SKIC3: variants seen among roughly 807,000 people sequenced by gnomAD.
SKIC3 encodes the protein SKI3 subunit of superkiller complex.
At chr5:95,525,554 C>T in the SKIC3 span, 104 of 1,613,802 alleles carry the variant, frequency 6.4e-5, no homozygotes, top group Admixed American at 6.7e-4. Flanking sequence ...GCTTTTAACT[C>T]AAAAAATGCT....
the SKIC3 span, among the ~76,000 whole-genome samples, chr5:95,549,600 A>G: frequency 6.6e-6 from 1 of 152,030 alleles, no homozygotes; most frequent in Non-Finnish European, 1.5e-5. Flanking sequence ...CATTTGATGC[A>G]ACATTTAACA....
chr5:95,543,866 TG>T, the SKIC3 span, among the ~76,000 whole-genome samples: 1 of 152,220 alleles, frequency 6.6e-6, no homozygotes, highest in Non-Finnish European at 1.5e-5. Context: ...ACCTGCCAAC[TG>T]GAATAAAAAT....
the SKIC3 span, among the ~76,000 whole-genome samples, chr5:95,526,568 G>C: frequency 6.6e-6 from 1 of 151,626 alleles, no homozygotes; most frequent in African/African-American, 2.4e-5. Flanking sequence ...CTGCTTTCTG[G>C]CTTCAAGCGA....
the SKIC3 span, among the ~76,000 whole-genome samples, chr5:95,514,307 G>GA: frequency 6.7e-6 from 1 of 150,154 alleles, no homozygotes; most frequent in African/African-American, 2.4e-5. Context: ...GGTAAAAAAA[G>GA]AAAAAAAAAT....
the SKIC3 span, chr5:95,467,716 T>A: frequency 9.0e-7 from 1 of 1,105,878 alleles, no homozygotes; most frequent in South Asian, 1.6e-5. Flanking sequence ...TAGTCTTTTA[T>A]TAGCCAAAAA....
the SKIC3 span, chr5:95,528,964 C>A: frequency 1.9e-6 from 3 of 1,548,882 alleles, 1 homozygote. Flanking sequence ...TAGGGTTGGT[C>A]ACCCTTATAT....
At chr5:95,533,474 T>C in the SKIC3 span, among the ~76,000 whole-genome samples, 1 of 152,132 alleles carries the variant, frequency 6.6e-6, no homozygotes, top group East Asian at 1.9e-4. Context: ...ATTCCTATTG[T>C]CCTACATTAA....
the SKIC3 span, among the ~76,000 whole-genome samples, chr5:95,468,656 A>G: frequency 6.6e-6 from 1 of 152,248 alleles, no homozygotes; most frequent in African/African-American, 2.4e-5. Flanking sequence ...TCTTCTAAGT[A>G]GCAATTAGTT....
At chr5:95,531,573 C>A in the SKIC3 span, among the ~76,000 whole-genome samples, 2 of 152,180 alleles carry the variant, frequency 1.3e-5, no homozygotes, top group Admixed American at 1.3e-4. Context: ...ATTGTCTAAA[C>A]TAGACATTGT....
chr5:95,496,221 T>A, the SKIC3 span, among the ~76,000 whole-genome samples: 1 of 152,152 alleles, frequency 6.6e-6, no homozygotes, highest in Non-Finnish European at 1.5e-5. Context: ...TTTTACCATG[T>A]TAGCCAGGCT....
chr5:95,514,855 T>G, the SKIC3 span: 1 of 1,611,942 alleles, frequency 6.2e-7, no homozygotes, highest in Non-Finnish European at 8.5e-7. Flanking sequence ...TATTTCTTAC[T>G]TGTCCAATCC....
At chr5:95,478,290 C>T in the SKIC3 span, 2 of 1,613,472 alleles carry the variant, frequency 1.2e-6, no homozygotes, top group South Asian at 1.1e-5. Flanking sequence ...ATGATCTTAC[C>T]ATACAGACTT....
At chr5:95,505,114 T>A in the SKIC3 span, among the ~76,000 whole-genome samples, 3 of 152,242 alleles carry the variant, frequency 2.0e-5, no homozygotes, top group African/African-American at 7.2e-5. Context: ...GGAACTTGTA[T>A]AAGCTCAACT....
the SKIC3 span, among the ~76,000 whole-genome samples, chr5:95,544,043 C>A: frequency 6.6e-6 from 1 of 152,156 alleles, no homozygotes; most frequent in Admixed American, 6.5e-5. Flanking sequence ...AAAATAAGAA[C>A]ATTTCCATGA....
chr5:95,512,094 T>A, the SKIC3 span, among the ~76,000 whole-genome samples: 2 of 152,170 alleles, frequency 1.3e-5, no homozygotes, highest in Non-Finnish European at 2.9e-5. Flanking sequence ...TATTGTTATA[T>A]CCACTATCCA....
At chr5:95,527,426 C>A in the SKIC3 span, among the ~76,000 whole-genome samples, 1 of 152,118 alleles carries the variant, frequency 6.6e-6, no homozygotes, top group Non-Finnish European at 1.5e-5. Context: ...CTTTGAAATA[C>A]ATAAAACTGA....
At chr5:95,515,763 A>G in the SKIC3 span, among the ~76,000 whole-genome samples, 10 of 152,256 alleles carry the variant, frequency 6.6e-5, no homozygotes, top group South Asian at 2.1e-4. Context: ...GATTCAATAT[A>G]CCAGCTGAAA....
chr5:95,490,780 G>C, the SKIC3 span: 1 of 1,245,204 alleles, frequency 8.0e-7, no homozygotes, highest in South Asian at 1.3e-5. Flanking sequence ...TTACAGGCGT[G>C]AGCCACCATG....
the SKIC3 span, among the ~76,000 whole-genome samples, chr5:95,466,714 CT>C: frequency 6.6e-6 from 1 of 152,196 alleles, no homozygotes; most frequent in Non-Finnish European, 1.5e-5. Context: ...TTTACTTAGC[CT>C]TGCTTCTTGC....
Sources: gnomAD v4.1 joint callset for allele counts (sites outside exome capture counted in the v4.1 genomes callset) on GRCh38, gnomAD v4.1.1 for gene constraint, MANE v1.5 for transcripts, NCBI Gene and HGNC (gene_info 2026-07-23, HGNC 2026-07-21) for gene names.